The following MBNL2 variants were observed in gnomAD, a reference collection of about 807,000 sequenced individuals.
MBNL2 encodes muscleblind like splicing regulator 2.
Under a neutral mutation model 41.9 loss-of-function variants are expected in MBNL2, and 17 were observed. The ratio of observed to expected loss-of-function variants is 0.41; its 90% CI spans 0.28 to 0.61. MBNL2 has a LOEUF of 0.61. MBNL2 is among the 20% of genes least tolerant of loss of function. The pLI is 0.35. For missense variants in MBNL2, 336 were observed against 505.6 expected, an observed-to-expected ratio of 0.66 and a Z score of 3.22; for synonymous variants, 195 against 182.9, an observed-to-expected ratio of 1.07 and a Z score of -0.53.
chr13:97,174,674 T>G, the MBNL2 span, among the ~76,000 whole-genome samples: 41 of 152,186 alleles, frequency 2.7e-4, no homozygotes, highest in African/African-American at 9.9e-4. Context: ...AAAACAGGAT[T>G]GGCTGTAGAA....
At chr13:97,332,233 G>T (rs1315414251) in intron 2 of MBNL2, among the ~76,000 whole-genome samples, 2 of 152,138 alleles carry the variant, frequency 1.3e-5, no homozygotes, top group African/African-American at 2.4e-5. Context: ...AGAAACCTGG[G>T]GTGGCTTATC....
chr13:97,189,152 C>T, the MBNL2 span, among the ~76,000 whole-genome samples: 2 of 152,108 alleles, frequency 1.3e-5, no homozygotes, highest in African/African-American at 4.8e-5. Flanking sequence ...CCTCAGCCTC[C>T]CAAAATTCTG....
the MBNL2 span, among the ~76,000 whole-genome samples, chr13:97,198,953 C>T: frequency 1.3e-5 from 2 of 152,154 alleles, no homozygotes; most frequent in Non-Finnish European, 2.9e-5. Context: ...TCAGTCACTT[C>T]TCTGCTCAAA....
chr13:97,202,041 A>T, the MBNL2 span, among the ~76,000 whole-genome samples: 1 of 152,336 alleles, frequency 6.6e-6, no homozygotes, highest in East Asian at 1.9e-4. Flanking sequence ...GAGGCTTTTA[A>T]TGAATTATTG....
chr13:97,205,170 C>CA, the MBNL2 span, among the ~76,000 whole-genome samples: 103 of 113,588 alleles, frequency 9.1e-4, no homozygotes, highest in Non-Finnish European at 1.3e-3. Flanking sequence ...GACTCTGTCT[C>CA]AAAAAAAAAA....
intron 2 of MBNL2, among the ~76,000 whole-genome samples, chr13:97,300,329 T>G (rs529249937): frequency 6.6e-6 from 1 of 152,306 alleles, no homozygotes; most frequent in South Asian, 2.1e-4. Flanking sequence ...CTAACTATCT[T>G]CTTCACCATA....
At chr13:97,198,694 G>C in the MBNL2 span, among the ~76,000 whole-genome samples, 1 of 151,888 alleles carries the variant, frequency 6.6e-6, no homozygotes, top group East Asian at 2.0e-4. Context: ...CATCCTTCTG[G>C]GCACTCAGGC....
At chr13:97,151,097 G>A in the MBNL2 span, among the ~76,000 whole-genome samples, 1 of 152,182 alleles carries the variant, frequency 6.6e-6, no homozygotes, top group East Asian at 1.9e-4. Context: ...GCCTAACTTT[G>A]CAAGTTGGAA....
intron 4 of MBNL2, among the ~76,000 whole-genome samples, chr13:97,344,025 C>T (rs551997838): frequency 4.7e-4 from 71 of 152,310 alleles, no homozygotes; most frequent in African/African-American, 1.6e-3. Context: ...AGGCTGGTCT[C>T]GAACTCCCAA....
intron 2 of MBNL2, among the ~76,000 whole-genome samples, chr13:97,296,528 T>A (rs79076018): frequency 6.6e-6 from 1 of 152,194 alleles, no homozygotes; most frequent in African/African-American, 2.4e-5. Flanking sequence ...TGTGGTATGA[T>A]GCTCAGCACA....
chr13:97,187,285 A>G, the MBNL2 span, among the ~76,000 whole-genome samples: 1 of 152,172 alleles, frequency 6.6e-6, no homozygotes, highest in Non-Finnish European at 1.5e-5. Context: ...ACAAAGTAAT[A>G]GAGACATATA....
chr13:97,365,104 C>T (rs752818070), intron 7 of MBNL2, 32 bp from the exon 8 acceptor site: 3 of 1,481,982 alleles, frequency 2.0e-6, no homozygotes, highest in Non-Finnish European at 2.8e-6. Context: ...TCCCTTTATT[C>T]ACTTTTTCCA....
chr13:97,250,129 C>T (rs1201839126), intron 1 of MBNL2, among the ~76,000 whole-genome samples: 3 of 152,052 alleles, frequency 2.0e-5, no homozygotes, highest in Admixed American at 2.0e-4. Flanking sequence ...TTTTTCTCTC[C>T]AGGAACACCA....
intron 2 of MBNL2, among the ~76,000 whole-genome samples, chr13:97,291,697 C>G (rs2056031344): frequency 6.8e-6 from 1 of 147,232 alleles, no homozygotes; most frequent in South Asian, 2.2e-4. Context: ...GAGTTCGAGG[C>G]CAGCCCAGCC....
At chr13:97,192,820 G>T in the MBNL2 span, among the ~76,000 whole-genome samples, 1 of 152,232 alleles carries the variant, frequency 6.6e-6, no homozygotes, top group Non-Finnish European at 1.5e-5. Flanking sequence ...TGTAAGTTAT[G>T]ATAAAAAGGA....
At chr13:97,367,441 G>C (rs1236436085) in intron 8 of MBNL2, among the ~76,000 whole-genome samples, 3 of 152,118 alleles carry the variant, frequency 2.0e-5, no homozygotes, top group Admixed American at 1.3e-4. Flanking sequence ...TTAGTTTCAT[G>C]GGTTTTTAAA....
intron 1 of MBNL2, among the ~76,000 whole-genome samples, chr13:97,264,127 A>G (rs984460957): frequency 6.7e-6 from 1 of 149,736 alleles, no homozygotes; most frequent in Non-Finnish European, 1.5e-5. Context: ...TCGGGACCTC[A>G]TGCCATTCTC....
At chr13:97,189,049 C>T in the MBNL2 span, among the ~76,000 whole-genome samples, 1 of 152,112 alleles carries the variant, frequency 6.6e-6, no homozygotes, top group Non-Finnish European at 1.5e-5. Flanking sequence ...CAATGTGCTC[C>T]ACCTTCTACT....
the MBNL2 span, among the ~76,000 whole-genome samples, chr13:97,167,312 G>A: frequency 3.3e-5 from 5 of 151,556 alleles, no homozygotes; most frequent in Non-Finnish European, 7.4e-5. Context: ...TCTCTTGATT[G>A]TATGAATTCA....
Sources: allele counts gnomAD v4.1 joint callset (sites outside exome capture counted in the v4.1 genomes callset), GRCh38; gene constraint gnomAD v4.1.1; transcripts MANE v1.5; gene names NCBI Gene and HGNC (gene_info 2026-07-23, HGNC 2026-07-21).